The following ZZEF1 variants were observed in gnomAD, a reference collection of about 807,000 sequenced individuals.
ZZEF1 encodes zinc finger ZZ-type and EF-hand domain-containing protein 1.
In ZZEF1, 157 loss-of-function variants were observed where a neutral mutation model predicts 342.8. The observed-to-expected ratio is 0.46, with a 90% confidence interval of 0.40 to 0.52. ZZEF1 has a LOEUF of 0.52. Ranked by LOEUF, ZZEF1 falls within the 20% of genes least tolerant of loss-of-function variation. ZZEF1 has a pLI of 0.00. For synonymous variants in ZZEF1, 1,505 were observed against 1,429.1 expected, an observed-to-expected ratio of 1.05 and a Z score of -1.20; for missense variants, 3,480 against 3,725.6, an observed-to-expected ratio of 0.93 and a Z score of 1.72.
chr17:4,073,693 G>C (rs1036342129), intron 24 of ZZEF1, among the ~76,000 whole-genome samples: 27 of 152,150 alleles, frequency 1.8e-4, no homozygotes, highest in African/African-American at 5.5e-4. Flanking sequence ...TCCCACCTTG[G>C]CCTCCTAAAG....
In ZZEF1 at chr17:4,064,403, T is replaced by G; in HGVS notation, c.4676A>C (p.Asp1559Ala). Residue 1559 changes from aspartate to alanine, a missense_variant, in exon 29 of 55, where the codon GAC (aspartate) becomes GCC (alanine). Around this residue, in one of 5 missense-constraint regions of ZZEF1, gnomAD observed 1,528 missense variants for 1,624.1 expected, o/e 0.94. Transcript: ENST00000381638. ...CTGATCCTTAATGAAGTCCATGACG[T>G]CCTTCAGCACAGGGTATTTCTCTTT... ...TVKEKYPVLKDVMDFIKDQSL... is the reference protein window; with the variant it reads ...TVKEKYPVLKAVMDFIKDQSL... 1 of 1,607,704 alleles carries G rather than the reference T, an allele frequency of 6.2e-7. No homozygotes were observed. The highest frequency in any genetic ancestry group is 8.5e-7 in the Non-Finnish European group (1 of 1,174,732).
intron 37 of ZZEF1, 147 bp from the exon 38 acceptor site, chr17:4,044,521 T>G: frequency 1.4e-6 from 1 of 722,594 alleles, no homozygotes; most frequent in South Asian, 2.0e-5. Flanking sequence ...TCTTTTTTCT[T>G]TTTTGTGTGT....
intron 35 of ZZEF1, 67 bp downstream of exon 35, chr17:4,051,904 A>C: frequency 6.6e-7 from 1 of 1,508,860 alleles, no homozygotes; most frequent in Non-Finnish European, 8.9e-7. Flanking sequence ...AAAAAGAAAG[A>C]AGTCCCTTTT....
In ZZEF1 at chr17:4,124,026, C is replaced by A. The variant is rs149929496; in HGVS notation, c.380G>T (p.Gly127Val). Residue 127 changes from glycine to valine, a missense_variant, in exon 2 of 55, where the codon GGT becomes GTT. Gly to Val is a moderately radical substitution (Grantham distance 109). Coordinates refer to ENST00000381638, the MANE Select transcript of ZZEF1 (RefSeq NM_015113.4). ...EEAFAQFDAE[G>V]DGTVDAENML... ...GTTCTCGGCATCAACTGTCCCATCA[C>A]CCTCAGCATCAAACTGGGCAAAGGC... 37 of 1,613,602 alleles carry A rather than the reference C, an allele frequency of 2.3e-5. No individual in the cohort carries two copies. The African/African-American group carries it at 4.1e-4, about 18-fold the overall frequency.
At chr17:4,062,225 A>C (rs1233643437) in intron 30 of ZZEF1, among the ~76,000 whole-genome samples, 1 of 152,028 alleles carries the variant, frequency 6.6e-6, no homozygotes, top group African/African-American at 2.4e-5. Context: ...CTGACCATCC[A>C]AACTAGGTCA....
At chr17:4,025,231 A>G in intron 42 of ZZEF1, 113 bp from the exon 43 acceptor site, 1 of 1,036,096 alleles carries the variant, frequency 9.7e-7, no homozygotes, top group Non-Finnish European at 1.4e-6. Context: ...GCAGAAACAT[A>G]AATCTCTCGG....
intron 32 of ZZEF1, among the ~76,000 whole-genome samples, chr17:4,057,269 C>T (rs1345888258): frequency 6.6e-6 from 1 of 152,200 alleles, no homozygotes; most frequent in African/African-American, 2.4e-5. Context: ...GGAGCTCCAA[C>T]AGCGAGGCGA....
At chr17:4,039,863 C>G (rs1377471336) in intron 39 of ZZEF1, among the ~76,000 whole-genome samples, 2 of 152,010 alleles carry the variant, frequency 1.3e-5, no homozygotes. Context: ...CCAGGATGGT[C>G]TCGATCTCCT....
chr17:4,087,825 C>CACACACACACACA (rs1016601880), intron 13 of ZZEF1, among the ~76,000 whole-genome samples: 2 of 140,268 alleles, frequency 1.4e-5, no homozygotes, highest in African/African-American at 5.2e-5. Context: ...CACACACACA[C>CACACACACACACA]ATCCATGAAC....
At chr17:4,123,811 A>G in intron 2 of ZZEF1, 96 bp downstream of exon 2, 2 of 1,375,174 alleles carry the variant, frequency 1.5e-6, no homozygotes, top group Non-Finnish European at 2.0e-6. Flanking sequence ...CTGTTGGGGG[A>G]GTTTACTGCA....
chr17:4,069,965 C>A (rs2057477601), intron 26 of ZZEF1, among the ~76,000 whole-genome samples: 1 of 152,218 alleles, frequency 6.6e-6, no homozygotes, highest in African/African-American at 2.4e-5. Context: ...GAAGCCCATG[C>A]CTTATCTCTA....
rs542560508 is a variant in ZZEF1, at chr17:4,016,700, C to G, written c.8002-234G>C. 133 of 468,508 alleles carry G rather than the reference C, an allele frequency of 2.8e-4. No homozygotes were observed. The East Asian group carries it at 4.1e-3, about 14-fold the overall frequency. The allele number at this position is 468,508 out of a possible 1,614,324, so 29.0% of individuals were successfully genotyped here. ...CAGAATGATGCTACTTAGAGGTGGTCTGAAAGAACTAACTGAACCAATCAT... is the reference window on the plus strand; with the variant it reads ...CAGAATGATGCTACTTAGAGGTGGTGTGAAAGAACTAACTGAACCAATCAT... On this transcript the variant is annotated intron_variant, in intron 48 of 54. Transcript: ENST00000381638. This position sits in a 1 kb window ranked among gnomAD's most constrained non-coding sequence, Gnocchi z 4.4.
At chr17:4,130,989 T>C (rs2058654441) in intron 1 of ZZEF1, among the ~76,000 whole-genome samples, 1 of 152,154 alleles carries the variant, frequency 6.6e-6, no homozygotes, top group South Asian at 2.1e-4. Flanking sequence ...GACTGCCACA[T>C]TCTGGGGCGT....
chr17:4,092,090 A>G (rs2057955376), intron 11 of ZZEF1, among the ~76,000 whole-genome samples: 1 of 134,546 alleles, frequency 7.4e-6, no homozygotes, highest in Non-Finnish European at 1.6e-5. Context: ...AAAAAAAAAA[A>G]TAATAAAAAT....
chr17:4,004,729 C>A lies in ZZEF1; in HGVS notation c.*2161G>T, dbSNP rs1264431775. The A allele has an allele frequency of 2.0e-5, 3 of 152,288 alleles. No homozygotes were observed. 9.4% of individuals were successfully genotyped at this position (152,288 alleles called of 1,614,324 possible). A position where few individuals can be genotyped will look rare whatever the true frequency, so the allele number is the denominator to read the frequency against. ...GGCACGTGTTTCCACCTTTGCTCTG[C>A]GGGCTTCGCCTCCTCCGGGCCTGGG... On this transcript the variant is annotated 3_prime_UTR_variant, in exon 55 of 55. Transcript: ENST00000381638.
chr17:4,127,008 A>AT (rs113010631), intron 1 of ZZEF1, among the ~76,000 whole-genome samples: 3,404 of 142,612 alleles, frequency 0.024, 116 homozygotes, highest in African/African-American at 0.071. Flanking sequence ...AACTGACTGG[A>AT]TTTTTTTTTT....
intron 37 of ZZEF1, 116 bp downstream of exon 37, chr17:4,049,589 GAAT>G: frequency 8.5e-7 from 1 of 1,170,358 alleles, no homozygotes; most frequent in Non-Finnish European, 1.2e-6. Flanking sequence ...GCAGGCATGT[GAAT>G]CCAGCAGTCT....
At chr17:4,077,842 C>A (rs754550939) in intron 19 of ZZEF1, 41 bp downstream of exon 19, 1 of 1,604,112 alleles carries the variant, frequency 6.2e-7, no homozygotes, top group Admixed American at 1.7e-5. Flanking sequence ...AGTCAAAACC[C>A]AAACGCCATC....
At chr17:4,062,984 CCG>C in intron 29 of ZZEF1, 67 bp from the exon 30 acceptor site, 1 of 1,507,380 alleles carries the variant, frequency 6.6e-7, no homozygotes, top group Non-Finnish European at 8.9e-7. Flanking sequence ...GAAAATATCC[CCG>C]CCAAAGCCCT....
Sources: allele counts gnomAD v4.1 joint callset (sites outside exome capture counted in the v4.1 genomes callset), GRCh38; gene constraint gnomAD v4.1.1; regional missense constraint gnomAD v4.1.1; non-coding constraint Gnocchi (gnomAD v3.1); transcripts MANE v1.5; gene names NCBI Gene and HGNC (gene_info 2026-07-23, HGNC 2026-07-21).